Variants in SLIT2 observed in about 807,000 individuals in gnomAD.
SLIT2 encodes slit homolog 2 protein.
Under a neutral mutation model 185.7 loss-of-function variants are expected in SLIT2, and 41 were observed. The observed-to-expected ratio is 0.22, with a 90% CI of 0.17 to 0.29. The LOEUF is 0.29. Ranked by LOEUF, SLIT2 falls within the 10% of genes least tolerant of loss-of-function variation. SLIT2 has a pLI of 1.00. For missense variants in SLIT2, 1,571 were observed against 1,909.0 expected, an observed-to-expected ratio of 0.82 and a Z score of 3.30; for synonymous variants, 693 against 680.2, an observed-to-expected ratio of 1.02 and a Z score of -0.29.
chr4:20,371,904 C>T (rs191799035), intron 4 of SLIT2, among the ~76,000 whole-genome samples: 6 of 151,866 alleles, frequency 4.0e-5, no homozygotes, highest in Admixed American at 3.9e-4. Flanking sequence ...CAAGGAAGAG[C>T]TCCAAAGAAA....
At chr4:20,568,189 A>G (rs1725262733) in intron 28 of SLIT2, among the ~76,000 whole-genome samples, 1 of 152,072 alleles carries the variant, frequency 6.6e-6, no homozygotes, top group Non-Finnish European at 1.5e-5. Flanking sequence ...TCACATAAGA[A>G]TGCTAATATA....
At chr4:20,259,701 A>G (rs2109012456) in intron 3 of SLIT2, among the ~76,000 whole-genome samples, 1 of 151,918 alleles carries the variant, frequency 6.6e-6, no homozygotes, top group East Asian at 1.9e-4. Context: ...TTTGACTTTT[A>G]CTTCCTCTGG....
At chr4:20,372,332 T>A (rs1021301764) in intron 4 of SLIT2, among the ~76,000 whole-genome samples, 3 of 151,838 alleles carry the variant, frequency 2.0e-5, no homozygotes, top group Non-Finnish European at 2.9e-5. Context: ...GCCTGTGATC[T>A]CTAGAGGCGT....
At chr4:20,607,575 T>A (rs1728885314) in intron 33 of SLIT2, among the ~76,000 whole-genome samples, 1 of 151,786 alleles carries the variant, frequency 6.6e-6, no homozygotes, top group Admixed American at 6.6e-5. Context: ...GCAAAGTGAG[T>A]TGATGATGAA....
chr4:20,587,707 A>C (rs974842200), intron 29 of SLIT2, among the ~76,000 whole-genome samples: 10 of 152,160 alleles, frequency 6.6e-5, no homozygotes, highest in Non-Finnish European at 1.3e-4. Flanking sequence ...GTAGATTAAG[A>C]ACTGATTAGG....
intron 26 of SLIT2, among the ~76,000 whole-genome samples, chr4:20,561,109 T>C (rs1724653212): frequency 6.6e-6 from 1 of 151,736 alleles, no homozygotes; most frequent in African/African-American, 2.4e-5. Context: ...AAATGGAGTA[T>C]AACACAAAGA....
chr4:20,395,740 T>C (rs78928096), intron 4 of SLIT2, among the ~76,000 whole-genome samples: 219 of 152,094 alleles, frequency 1.4e-3, no homozygotes, highest in African/African-American at 5.0e-3. Context: ...TGATCTCATA[T>C]AGACCAATCT....
intron 4 of SLIT2, among the ~76,000 whole-genome samples, chr4:20,426,207 C>T (rs759316214): frequency 1.3e-5 from 2 of 152,024 alleles, no homozygotes; most frequent in Non-Finnish European, 2.9e-5. Context: ...ACCTGGAATG[C>T]GGAGGCAGTA....
chr4:20,304,162 A>C (rs1717317882), intron 4 of SLIT2, among the ~76,000 whole-genome samples: 1 of 152,126 alleles, frequency 6.6e-6, no homozygotes, highest in Admixed American at 6.5e-5. Flanking sequence ...AAAAGTTCCT[A>C]CCAGTGTATA....
At chr4:20,388,555 C>A (rs1325009948) in intron 4 of SLIT2, among the ~76,000 whole-genome samples, 1 of 151,692 alleles carries the variant, frequency 6.6e-6, no homozygotes, top group East Asian at 1.9e-4. Context: ...ATGTGGATCA[C>A]CTGAGGTCAG....
rs1192135151 is a variant in SLIT2, at chr4:20,336,594, TG to T, written c.395+67716del. 5.3e-5 allele frequency among the ~76,000 whole-genome samples: 8 copies of T among 152,206 alleles called. No individual in the cohort carries two copies. In the East Asian group the frequency reaches 1.4e-3, roughly 26 times the overall value. ...ATACCTAATGTAGATGATGAGTTAA[TG>T]GGTGCAGCACACCAACATGGCACAT... is the stretch of plus-strand genomic sequence containing the variant. On this transcript the variant is annotated intron_variant, in intron 4 of 36. Transcript: ENST00000504154.
intron 1 of SLIT2, chr4:20,255,162 C>G (rs1188799178): frequency 2.5e-6 from 1 of 403,600 alleles, no homozygotes; most frequent in Non-Finnish European, 4.9e-6. Flanking sequence ...CGTCTGGATT[C>G]GTCCCGCGGC....
chr4:20,307,409 C>T (rs1456545343), intron 4 of SLIT2, among the ~76,000 whole-genome samples: 1 of 151,488 alleles, frequency 6.6e-6, no homozygotes, highest in Non-Finnish European at 1.5e-5. Flanking sequence ...ACTGCAGGAG[C>T]ACACCACCAC....
chr4:20,388,907 A>G (rs1249307354), intron 4 of SLIT2, among the ~76,000 whole-genome samples: 1 of 145,434 alleles, frequency 6.9e-6, no homozygotes, highest in Non-Finnish European at 1.5e-5. Context: ...TATAATATAT[A>G]CATATAATAT....
rs545686227 is a variant in SLIT2, at chr4:20,619,347, C to G, written c.*338C>G. On this transcript the variant is annotated 3_prime_UTR_variant, in exon 37 of 37. Coordinates refer to ENST00000504154, the MANE Select transcript of SLIT2 (RefSeq NM_004787.4). ...GGGACAGAGGAGCTACTGTGCACTG[C>G]TGTGAAATTGCCCAGAGCATAAAAC... 1 of 181,670 alleles carries G rather than the reference C, an allele frequency of 5.5e-6. No homozygotes were observed. The highest frequency in any genetic ancestry group is 2.4e-5 in the African/African-American group (1 of 42,448). 11.3% of individuals were successfully genotyped at this position (181,670 alleles called of 1,614,324 possible). A position where few individuals can be genotyped will look rare whatever the true frequency, so the allele number is the denominator to read the frequency against.
chr4:20,431,352 G>T (rs1347711438), intron 4 of SLIT2, among the ~76,000 whole-genome samples: 1 of 151,990 alleles, frequency 6.6e-6, no homozygotes. Context: ...GTAACAGTGT[G>T]CCTCTATATT....
intron 4 of SLIT2, among the ~76,000 whole-genome samples, chr4:20,271,350 G>A (rs1713584416): frequency 6.8e-6 from 1 of 146,870 alleles, no homozygotes; most frequent in Non-Finnish European, 1.5e-5. Flanking sequence ...CAATATATAA[G>A]TATTCTATAA....
intron 5 of SLIT2, among the ~76,000 whole-genome samples, chr4:20,479,866 C>G (rs1030368121): frequency 2.0e-5 from 3 of 152,154 alleles, no homozygotes; most frequent in East Asian, 3.9e-4. Context: ...TTCACTGATA[C>G]AGCTTTTAGG....
chr4:20,476,440 G>A (rs1048699629), intron 5 of SLIT2, among the ~76,000 whole-genome samples: 4 of 151,704 alleles, frequency 2.6e-5, no homozygotes, highest in East Asian at 1.9e-4. Context: ...ATAATAATAC[G>A]AACATAAAGT....
Sources: gnomAD v4.1 joint callset for allele counts (sites outside exome capture counted in the v4.1 genomes callset) on GRCh38, gnomAD v4.1.1 for gene constraint, MANE v1.5 for transcripts, NCBI Gene and HGNC (gene_info 2026-07-23, HGNC 2026-07-21) for gene names.